Variants in GLI2 observed in about 807,000 individuals in gnomAD.
GLI2 encodes GLI family zinc finger 2, also known as transcription activator GLI2.
In GLI2, 22 loss-of-function variants were observed where a neutral mutation model predicts 78.9. The observed-to-expected ratio is 0.28, with a 90% CI of 0.20 to 0.40. The LOEUF is 0.40. Among genes scored for constraint, GLI2 ranks in the 10% least tolerant of loss-of-function variants. The pLI is 1.00. For missense variants in GLI2, 2,097 were observed against 2,213.2 expected (o/e 0.95, Z 1.05); for synonymous variants, 974 against 963.7 (o/e 1.01, Z -0.20).
intron 3 of GLI2, among the ~76,000 whole-genome samples, chr2:120,931,739 A>G (rs1679952282): frequency 6.6e-6 from 1 of 152,140 alleles, no homozygotes; most frequent in African/African-American, 2.4e-5. Context: ...AGGCTCAGAG[A>G]GGCACAGTGA....
intron 12 of GLI2, among the ~76,000 whole-genome samples, chr2:120,985,411 G>A (rs1682926591): frequency 6.6e-6 from 1 of 152,214 alleles, no homozygotes; most frequent in African/African-American, 2.4e-5. Context: ...GGTGTGGGGA[G>A]CAGGGGCGCC....
intron 2 of GLI2, among the ~76,000 whole-genome samples, chr2:120,909,835 G>A (rs775004746): frequency 5.3e-5 from 8 of 152,154 alleles, no homozygotes; most frequent in Non-Finnish European, 1.0e-4. Context: ...ACTGCACTCC[G>A]GCCTGGGCGA....
At chr2:120,933,783 G>T (rs1473547776) in intron 3 of GLI2, among the ~76,000 whole-genome samples, 1 of 152,104 alleles carries the variant, frequency 6.6e-6, no homozygotes, top group Non-Finnish European at 1.5e-5. Flanking sequence ...CCATGCTCCT[G>T]GTTCGGGGGG....
chr2:120,835,794 G>A (rs879818621), intron 2 of GLI2, among the ~76,000 whole-genome samples: 7 of 152,046 alleles, frequency 4.6e-5, no homozygotes, highest in African/African-American at 1.5e-4. Flanking sequence ...GTGTGTGTGC[G>A]TTTGTGTGTG....
intron 2 of GLI2, among the ~76,000 whole-genome samples, chr2:120,811,282 C>T (rs1685226815): frequency 6.6e-6 from 1 of 152,154 alleles, no homozygotes; most frequent in Non-Finnish European, 1.5e-5. Context: ...GAGTTGGGCC[C>T]TTCAGAAGCA....
chr2:120,750,344 C>T (rs761486741), intron 1 of GLI2, among the ~76,000 whole-genome samples: 3 of 152,242 alleles, frequency 2.0e-5, no homozygotes, highest in Admixed American at 1.3e-4. Flanking sequence ...AGTGCTCCCC[C>T]GAGGGGGACT....
At chr2:120,861,409 C>G (rs1687895076) in intron 2 of GLI2, among the ~76,000 whole-genome samples, 1 of 152,234 alleles carries the variant, frequency 6.6e-6, no homozygotes, top group African/African-American at 2.4e-5. Flanking sequence ...GCCTGCTGCC[C>G]CTGTGATTCA....
intron 1 of GLI2, among the ~76,000 whole-genome samples, chr2:120,740,954 G>A (rs545882097): frequency 6.6e-6 from 1 of 152,320 alleles, no homozygotes; most frequent in African/African-American, 2.4e-5. Context: ...GCGCAGCCCT[G>A]CACTCCTGTC....
chr2:120,864,517 G>A (rs1688039128), intron 2 of GLI2, among the ~76,000 whole-genome samples: 1 of 152,138 alleles, frequency 6.6e-6, no homozygotes, highest in African/African-American at 2.4e-5. Flanking sequence ...TGTCGCCCAG[G>A]CTGGAGTGCA....
chr2:120,918,474 T>G (rs1331812550), intron 2 of GLI2, among the ~76,000 whole-genome samples: 1 of 149,130 alleles, frequency 6.7e-6, no homozygotes, highest in Non-Finnish European at 1.5e-5. Flanking sequence ...GGAGCCTCTC[T>G]CTGTCTCCCA....
chr2:120,757,603 T>G lies in GLI2; in HGVS notation c.-31+21318T>G, dbSNP rs140458062. 7.6e-3 allele frequency among the ~76,000 whole-genome samples: 1,153 copies of G among 152,342 alleles called. 13 individuals are homozygous for G. Among genetic ancestry groups the G allele is most frequent in the African/African-American group, 0.026 (1,088 of 41,564 alleles). On this transcript the variant is annotated intron_variant, in intron 1 of 13. Transcript: ENST00000361492. ...AGAACAGTATGTGCTGATTCTATTC[T>G]GCAATGCTCCAGGGGGACCCTCTGC...
chr2:120,941,733 C>T (rs1042267677), intron 3 of GLI2, among the ~76,000 whole-genome samples: 1 of 152,226 alleles, frequency 6.6e-6, no homozygotes, highest in Non-Finnish European at 1.5e-5. Context: ...TCTGGAGCTC[C>T]GTGGACCCAC....
chr2:120,833,701 G>A (rs1686475133), intron 2 of GLI2, among the ~76,000 whole-genome samples: 1 of 152,120 alleles, frequency 6.6e-6, no homozygotes, highest in Non-Finnish European at 1.5e-5. Context: ...CCACGCTTCT[G>A]GTCATCAACA....
chr2:120,751,779 G>T (rs1438464279), intron 1 of GLI2, among the ~76,000 whole-genome samples: 1 of 152,080 alleles, frequency 6.6e-6, no homozygotes, highest in African/African-American at 2.4e-5. Context: ...TCTTCACACT[G>T]TATTAGTGTG....
chr2:120,973,281 G>A (rs1054934623), intron 8 of GLI2, among the ~76,000 whole-genome samples: 1 of 152,200 alleles, frequency 6.6e-6, no homozygotes, highest in African/African-American at 2.4e-5. Context: ...GATGAGGACG[G>A]CACATATCCA....
At chr2:120,830,410 G>A (rs1686300730) in intron 2 of GLI2, among the ~76,000 whole-genome samples, 1 of 152,182 alleles carries the variant, frequency 6.6e-6, no homozygotes, top group African/African-American at 2.4e-5. Context: ...CCCTGCTGGG[G>A]CAGCATGCTT....
In GLI2 at chr2:120,887,127, C is replaced by T. The variant is rs76435508; in HGVS notation, c.149-40234C>T. 5.5e-4 allele frequency among the ~76,000 whole-genome samples: 84 copies of T among 152,284 alleles called. 2 individuals carry two copies. The East Asian group carries it at 0.015, about 27-fold the overall frequency. ...CTGGCCCCCGATCAATGCCTGTGGT[C>T]CTTGAAAGCAGATGGCCAGATGCCC... is the stretch of plus-strand genomic sequence containing the variant. On this transcript the variant is annotated intron_variant, in intron 2 of 13. Transcript: ENST00000361492.
chr2:120,822,688 GTTTCTTTCCAGTTC>G (rs1456863970), intron 2 of GLI2, among the ~76,000 whole-genome samples: 2 of 152,146 alleles, frequency 1.3e-5, no homozygotes, highest in African/African-American at 4.8e-5. Flanking sequence ...ATGTTAGTAT[GTTTCTTTCCAGTTC>G]TTTCTTTCCA....
intron 3 of GLI2, among the ~76,000 whole-genome samples, chr2:120,940,108 T>C (rs577898110): frequency 2.0e-5 from 3 of 152,374 alleles, no homozygotes; most frequent in East Asian, 3.9e-4. Flanking sequence ...TGCCCATTTT[T>C]CTATGAGGTC....
Sources: gnomAD v4.1 joint callset for allele counts (sites outside exome capture counted in the v4.1 genomes callset) on GRCh38, gnomAD v4.1.1 for gene constraint, MANE v1.5 for transcripts, NCBI Gene and HGNC (gene_info 2026-07-23, HGNC 2026-07-21) for gene names.